RERE: variants seen among roughly 807,000 people sequenced by gnomAD.
RERE encodes arginine-glutamic acid dipeptide repeats protein.
Under a neutral mutation model 146.1 loss-of-function variants are expected in RERE, and 40 were observed. The observed-to-expected ratio is 0.27, with a 90% CI of 0.21 to 0.36. The LOEUF is 0.36. Among genes scored for constraint, RERE ranks in the 10% least tolerant of loss-of-function variants. The pLI is 1.00. For missense variants in RERE, 1,933 were observed against 2,138.7 expected (o/e 0.90, Z 1.90); for synonymous variants, 1,003 against 866.0 (o/e 1.16, Z -2.78).
chr1:8,650,721 A>G (rs151332295), intron 2 of RERE, among the ~76,000 whole-genome samples: 2,379 of 152,062 alleles, frequency 0.016, 64 homozygotes, highest in African/African-American at 0.055. Flanking sequence ...ACATGGTGAA[A>G]CCCCGTCTCT....
intron 4 of RERE, among the ~76,000 whole-genome samples, chr1:8,569,138 G>A (rs72639655): frequency 4.0e-5 from 6 of 151,812 alleles, no homozygotes; most frequent in Non-Finnish European, 8.8e-5. Flanking sequence ...TTGGTCCAAA[G>A]GATTTCTCCC....
intron 1 of RERE, among the ~76,000 whole-genome samples, chr1:8,698,797 C>T (rs1028461133): frequency 6.6e-6 from 1 of 152,134 alleles, no homozygotes; most frequent in African/African-American, 2.4e-5. Context: ...GGATTACAGA[C>T]GTGAGCCACT....
chr1:8,510,317 G>C (rs1645317888), intron 7 of RERE, among the ~76,000 whole-genome samples: 1 of 151,998 alleles, frequency 6.6e-6, no homozygotes, highest in Admixed American at 6.6e-5. Flanking sequence ...AATAGGCCTA[G>C]CAGCAGGAAA....
At chr1:8,697,870 G>GA (rs200159185) in intron 1 of RERE, among the ~76,000 whole-genome samples, 40 of 151,274 alleles carry the variant, frequency 2.6e-4, no homozygotes, top group African/African-American at 6.8e-4. Context: ...CTTTGGAATA[G>GA]AAAAAAAAAG....
intron 11 of RERE, among the ~76,000 whole-genome samples, chr1:8,453,290 G>A (rs1644410238): frequency 6.6e-6 from 1 of 152,138 alleles, no homozygotes; most frequent in South Asian, 2.1e-4. Flanking sequence ...TCCATGGACT[G>A]AACTGAGCAG....
chr1:8,762,161 T>A (rs532224950), intron 1 of RERE, among the ~76,000 whole-genome samples: 1 of 152,198 alleles, frequency 6.6e-6, no homozygotes, highest in East Asian at 1.9e-4. Context: ...TAAGGAGAGG[T>A]CATTGCTTCC....
intron 12 of RERE, among the ~76,000 whole-genome samples, chr1:8,397,388 A>G (rs1643092555): frequency 6.6e-6 from 1 of 152,102 alleles, no homozygotes; most frequent in Non-Finnish European, 1.5e-5. Flanking sequence ...TTGTGCCCCC[A>G]TTTCATTACT....
chr1:8,364,649 T>C lies in RERE; in HGVS notation c.1540+97A>G. On this transcript the variant is annotated intron_variant, in intron 14 of 22. Coordinates refer to ENST00000400908, the MANE Select transcript of RERE (RefSeq NM_001042681.2). The surrounding 1 kb of genome is among the most constrained non-coding windows in gnomAD (Gnocchi z 5.1). ...ACAATGCAAATGTCAAATCAAGTAC[T>C]GTCCCTGGCAGGTTTCCAGCTGGAT... 4.8e-6 allele frequency: 4 copies of C among 840,650 alleles called. No homozygotes were observed. Among genetic ancestry groups the C allele is most frequent in the South Asian group, 4.2e-5 (3 of 71,468 alleles). The allele number at this position is 840,650 out of a possible 1,614,324, so 52.1% of individuals were successfully genotyped here. A position where few individuals can be genotyped will look rare whatever the true frequency, so the allele number is the denominator to read the frequency against.
intron 12 of RERE, among the ~76,000 whole-genome samples, chr1:8,405,966 T>C (rs1643426347): frequency 6.6e-6 from 1 of 152,156 alleles, no homozygotes; most frequent in Admixed American, 6.5e-5. Context: ...AATTTTTCTG[T>C]GTTTTCAAGG....
At chr1:8,554,520 C>T (rs1372520239) in intron 6 of RERE, among the ~76,000 whole-genome samples, 4 of 151,866 alleles carry the variant, frequency 2.6e-5, no homozygotes, top group Admixed American at 6.6e-5. Context: ...AAGCTCATCT[C>T]TATGAAAAAT....
Position 8,361,751 on chromosome 1 carries a change from A to T in RERE, c.2016+12T>A. The T allele has an allele frequency of 6.2e-7, 1 of 1,602,162 alleles. No homozygotes were observed. The highest frequency in any genetic ancestry group is 8.6e-7 in the Non-Finnish European group (1 of 1,169,244). On this transcript the variant is annotated intron_variant, in intron 17 of 22. Coordinates refer to ENST00000400908, the MANE Select transcript of RERE (RefSeq NM_001042681.2). ...TTAGCTTTACTCAGCAAGGCTCAGC[A>T]GCAAACCTCACCTGCGTTTTTGTCT...
intron 11 of RERE, among the ~76,000 whole-genome samples, chr1:8,446,735 C>T (rs1329066730): frequency 1.3e-5 from 2 of 152,046 alleles, no homozygotes; most frequent in Admixed American, 1.3e-4. Flanking sequence ...AGTGCTGTGG[C>T]GCCATCTCGG....
chr1:8,491,447 A>G (rs980346532), intron 10 of RERE, among the ~76,000 whole-genome samples: 1 of 152,050 alleles, frequency 6.6e-6, no homozygotes, highest in East Asian at 1.9e-4. Context: ...AACAAAAACA[A>G]AAAACAAAAC....
intron 1 of RERE, among the ~76,000 whole-genome samples, chr1:8,708,935 CAG>C (rs1639613196): frequency 1.1e-5 from 1 of 89,644 alleles, no homozygotes; most frequent in South Asian, 3.6e-4. Context: ...TTTTTTGAGA[CAG>C]AGTCTCACTC....
chr1:8,519,745 A>G (rs1374139584), intron 7 of RERE: 1 of 152,088 alleles, frequency 6.6e-6, no homozygotes, highest in African/African-American at 2.4e-5. Flanking sequence ...AGGATTTTAT[A>G]TTTATTTTTT....
At position 8,360,665 on chromosome 1, in the gene RERE, G is replaced by A. The variant is rs754540788; in HGVS notation, c.2842C>T (p.Pro948Ser). The A allele has an allele frequency of 2.1e-5, 33 of 1,539,592 alleles. No individual in the cohort carries two copies. In the African/African-American group the frequency reaches 2.9e-4, roughly 14 times the overall value. Residue 948 changes from proline to serine, a missense_variant, in exon 18 of 23, where the codon CCT becomes TCT. Transcript: ENST00000400908. ...QLPAPQAHKH[P>S]PHLSGPSPFS... ...GGTGAGGGCCCCGAGAGGTGGGGAG[G>A]GTGCTTGTGGGCCTGTGGCGCCGGC... is the stretch of plus-strand genomic sequence containing the variant.
At chr1:8,435,001 G>C (rs1227044242) in intron 11 of RERE, among the ~76,000 whole-genome samples, 1 of 152,218 alleles carries the variant, frequency 6.6e-6, no homozygotes, top group Non-Finnish European at 1.5e-5. Flanking sequence ...GATAATAAAT[G>C]ATCATCATTG....
At chr1:8,781,357 A>C (rs1242226463) in intron 1 of RERE, among the ~76,000 whole-genome samples, 2 of 79,194 alleles carry the variant, frequency 2.5e-5, no homozygotes, top group Admixed American at 2.8e-4. Context: ...ACTCCGTCTC[A>C]AAAAAAAAAA....
chr1:8,359,968 G>A lies in RERE; in HGVS notation c.3414C>T (p.Asp1138=), dbSNP rs746701776. ...TCCGGGCACACGAGTTGTAGCCCCGGTCCAGGTGTTTGTAGAACCTGAGAA... is the reference window on the plus strand; with the variant it reads ...TCCGGGCACACGAGTTGTAGCCCCGATCCAGGTGTTTGTAGAACCTGAGAA... ...SQSARFYKHL[D]RGYNSCARTD... is the part of the protein sequence containing the mutation. Residue 1138 remains aspartate, a synonymous_variant, in exon 19 of 23, where the codon GAC becomes GAT. Coordinates refer to ENST00000400908, the MANE Select transcript of RERE (RefSeq NM_001042681.2). The A allele has an allele frequency of 7.1e-5, 114 of 1,612,752 alleles. No homozygotes were observed. Among genetic ancestry groups the A allele is most frequent in the Non-Finnish European group, 9.1e-5 (107 of 1,180,010 alleles).
Sources: allele counts gnomAD v4.1 joint callset (sites outside exome capture counted in the v4.1 genomes callset), GRCh38; gene constraint gnomAD v4.1.1; non-coding constraint Gnocchi (gnomAD v3.1); transcripts MANE v1.5; gene names NCBI Gene and HGNC (gene_info 2026-07-23, HGNC 2026-07-21).